Variants in RBFOX1 observed in about 807,000 individuals in gnomAD.
RBFOX1 encodes RNA binding fox-1 homolog 1.
In RBFOX1, 8 loss-of-function variants were observed where a neutral mutation model predicts 57.7. The ratio of observed to expected loss-of-function variants is 0.14; its 90% CI spans 0.08 to 0.25. RBFOX1 has a LOEUF of 0.25. Among genes scored for constraint, RBFOX1 ranks in the 10% least tolerant of loss-of-function variants. The probability of loss-of-function intolerance (pLI) is 1.00; values close to 1 mark genes in which losing one functional copy is unlikely to be tolerated. For missense variants in RBFOX1, 611 were observed against 548.5 expected (o/e 1.11, Z -1.14); for synonymous variants, 326 against 222.4 (o/e 1.47, Z -4.15).
chr16:6,168,085 C>G (rs765189012), intron 1 of RBFOX1, among the ~76,000 whole-genome samples: 8 of 152,138 alleles, frequency 5.3e-5, no homozygotes, highest in Non-Finnish European at 1.0e-4. Flanking sequence ...TCTATTAAAG[C>G]TAGTCTAACA....
intron 2 of RBFOX1, among the ~76,000 whole-genome samples, chr16:6,416,572 G>T (rs2093630011): frequency 6.6e-6 from 1 of 151,932 alleles, no homozygotes; most frequent in South Asian, 2.1e-4. Context: ...AGAAAGAGTG[G>T]CACCGAGGCT....
At chr16:7,663,960 CCT>C (rs1392793532) in intron 12 of RBFOX1, among the ~76,000 whole-genome samples, 1 of 152,162 alleles carries the variant, frequency 6.6e-6, no homozygotes, top group Non-Finnish European at 1.5e-5. Context: ...TTCCCTAACC[CCT>C]GTCCCCAGCC....
At chr16:5,902,065 C>A (rs187587432) in intron 4 of RBFOX1, among the ~76,000 whole-genome samples, 1 of 152,188 alleles carries the variant, frequency 6.6e-6, no homozygotes, top group Non-Finnish European at 1.5e-5. Context: ...ATGCATGTTT[C>A]TTGAATGAAT....
chr16:7,082,593 G>T (rs541161524), intron 4 of RBFOX1, among the ~76,000 whole-genome samples: 1 of 152,004 alleles, frequency 6.6e-6, no homozygotes, highest in East Asian at 1.9e-4. Flanking sequence ...AAAAAAAGAA[G>T]GTTTCAGCAC....
intron 4 of RBFOX1, among the ~76,000 whole-genome samples, chr16:7,341,776 CTCCTTCCTTCCTTCCTTCCTTCCT>C (rs767808435): frequency 3.0e-4 from 29 of 95,198 alleles, no homozygotes; most frequent in African/African-American, 4.4e-4. Flanking sequence ...CCCTCCCTCC[CTCCTTCCTTCCTTCCTTCCTTCCT>C]TCCTTCCTTC....
At chr16:6,302,560 A>G (rs538012425) in intron 1 of RBFOX1, among the ~76,000 whole-genome samples, 10 of 152,318 alleles carry the variant, frequency 6.6e-5, no homozygotes, top group African/African-American at 2.2e-4. Context: ...TAGTATATCT[A>G]TCTTGGTATT....
intron 2 of RBFOX1, among the ~76,000 whole-genome samples, chr16:6,508,753 C>T (rs2096178935): frequency 6.6e-6 from 1 of 151,980 alleles, no homozygotes; most frequent in East Asian, 1.9e-4. Context: ...GAATTACTTG[C>T]CATATTTAAG....
intron 3 of RBFOX1, among the ~76,000 whole-genome samples, chr16:5,741,035 A>G (rs1266223915): frequency 6.6e-6 from 1 of 152,196 alleles, no homozygotes; most frequent in African/African-American, 2.4e-5. Context: ...TCTTGGTACT[A>G]TTATCACCTC....
intron 1 of RBFOX1, among the ~76,000 whole-genome samples, chr16:6,280,159 G>C (rs1313938069): frequency 6.6e-6 from 1 of 152,076 alleles, no homozygotes; most frequent in African/African-American, 2.4e-5. Context: ...GAAAAATAGG[G>C]ACCAGAGGTA....
At chr16:6,145,689 T>C (rs1285260300) in intron 1 of RBFOX1, among the ~76,000 whole-genome samples, 1 of 152,138 alleles carries the variant, frequency 6.6e-6, no homozygotes, top group Non-Finnish European at 1.5e-5. Context: ...ACCTTACCTG[T>C]AGTATTTTCA....
At chr16:6,269,877 T>G (rs1204140707) in intron 1 of RBFOX1, among the ~76,000 whole-genome samples, 1 of 152,150 alleles carries the variant, frequency 6.6e-6, no homozygotes, top group Non-Finnish European at 1.5e-5. Flanking sequence ...TAAGCAAAAA[T>G]TATAATACCA....
intron 3 of RBFOX1, among the ~76,000 whole-genome samples, chr16:6,800,704 G>GT: frequency 6.6e-6 from 1 of 152,204 alleles, no homozygotes; most frequent in African/African-American, 2.4e-5. Context: ...TGGACGTTCA[G>GT]TTTTTCCTAA....
At chr16:7,314,396 T>C (rs2096391104) in intron 4 of RBFOX1, among the ~76,000 whole-genome samples, 1 of 152,232 alleles carries the variant, frequency 6.6e-6, no homozygotes, top group Non-Finnish European at 1.5e-5. Flanking sequence ...GAAGACTGCT[T>C]CATAAATCAA....
chr16:5,591,638 C>G (rs535774260), intron 2 of RBFOX1, among the ~76,000 whole-genome samples: 1 of 152,198 alleles, frequency 6.6e-6, no homozygotes, highest in African/African-American at 2.4e-5. Flanking sequence ...ATTCTTAAAA[C>G]AATGAACAGA....
At chr16:7,409,109 C>G (rs1367183139) in intron 4 of RBFOX1, among the ~76,000 whole-genome samples, 1 of 152,212 alleles carries the variant, frequency 6.6e-6, no homozygotes, top group Non-Finnish European at 1.5e-5. Flanking sequence ...GCTGCGCTGT[C>G]GCTCTAAGCC....
At chr16:7,026,809 GT>G (rs2041097647) in intron 3 of RBFOX1, among the ~76,000 whole-genome samples, 1 of 152,182 alleles carries the variant, frequency 6.6e-6, no homozygotes, top group East Asian at 1.9e-4. Context: ...TTTAGAAAAA[GT>G]TTACACATGG....
chr16:7,694,393 G>C (rs1448828520), intron 14 of RBFOX1, among the ~76,000 whole-genome samples: 1 of 152,190 alleles, frequency 6.6e-6, no homozygotes, highest in Non-Finnish European at 1.5e-5. Flanking sequence ...ATGAATGAAT[G>C]AAAGGAAGGA....
At chr16:5,780,407 A>G (rs140361888) in intron 3 of RBFOX1, among the ~76,000 whole-genome samples, 2,203 of 152,342 alleles carry the variant, frequency 0.014, 38 homozygotes, top group Non-Finnish European at 0.021. Flanking sequence ...TGGTTCATCC[A>G]TGTATCCAAC....
chr16:6,444,107 C>G (rs551263387), intron 2 of RBFOX1, among the ~76,000 whole-genome samples: 3 of 152,092 alleles, frequency 2.0e-5, no homozygotes, highest in African/African-American at 7.2e-5. Flanking sequence ...ATTCTTGTCA[C>G]GCACTGCATC....
Sources: allele counts gnomAD v4.1 joint callset (sites outside exome capture counted in the v4.1 genomes callset), GRCh38; gene constraint gnomAD v4.1.1; transcripts MANE v1.5; gene names NCBI Gene and HGNC (gene_info 2026-07-23, HGNC 2026-07-21).